Variants in FKBP5 observed in about 807,000 individuals in gnomAD.
FKBP5 encodes the protein peptidyl-prolyl cis-trans isomerase FKBP5.
In FKBP5, 23 loss-of-function variants were observed where a neutral mutation model predicts 50.5. That is an observed-to-expected ratio of 0.46 (90% CI 0.33 to 0.65). The LOEUF (loss-of-function observed/expected upper bound fraction) is 0.65. Among genes scored for constraint, FKBP5 ranks in the 30% least tolerant of loss-of-function variants. FKBP5 has a pLI of 0.02. For synonymous variants in FKBP5, 176 were observed against 190.6 expected, an observed-to-expected ratio of 0.92 and a Z score of 0.63; for missense variants, 411 against 553.1, an observed-to-expected ratio of 0.74 and a Z score of 2.58.
intron 1 of FKBP5, among the ~76,000 whole-genome samples, chr6:35,665,449 A>C (rs544778822): frequency 3.9e-4 from 59 of 150,638 alleles, no homozygotes; most frequent in African/African-American, 1.4e-3. Context: ...CACCACACCC[A>C]GCTAATTTTT....
rs191242235 is a variant in FKBP5 at position 35,650,485 on chromosome 6, A to T, written c.-19-7642T>A. ...TGTAATTTATTTTTTATTTTTTTAA[A>T]TTTTTTGAGACAGACTCTTGCTCTG... On this transcript the variant is annotated intron_variant, in intron 1 of 10. Transcript: ENST00000357266. 1.7e-3 allele frequency among the ~76,000 whole-genome samples: 260 copies of T among 150,638 alleles called. 1 individual carries two copies. The highest frequency in any genetic ancestry group is 5.8e-3 in the African/African-American group (240 of 41,096).
chr6:35,585,413 TG>T, intron 8 of FKBP5: 1 of 984,470 alleles, frequency 1.0e-6, no homozygotes, highest in Non-Finnish European at 1.2e-6. Flanking sequence ...AAATAACACT[TG>T]TTCTTGAGAG....
chr6:35,627,561 C>T (rs1389869259), intron 3 of FKBP5, among the ~76,000 whole-genome samples: 1 of 152,116 alleles, frequency 6.6e-6, no homozygotes, highest in Non-Finnish European at 1.5e-5. Flanking sequence ...TTCTCCCATT[C>T]CATAGGCTGC....
rs563999406 is a variant in FKBP5 at position 35,586,985 on chromosome 6, C to T, written c.840+49G>A. The stretch of plus-strand genomic sequence containing the variant: ...GGAATATCAGCACAATTCACCAACA[C>T]TTGAATAAATTCTTTGAGATGGAAA... On this transcript the variant is annotated intron_variant, in intron 8 of 10. Coordinates refer to ENST00000357266, the MANE Select transcript of FKBP5 (RefSeq NM_004117.4). 67 of 1,613,122 alleles carry T rather than the reference C, an allele frequency of 4.2e-5. No individual in the cohort carries two copies. In the South Asian group the frequency reaches 5.3e-4, roughly 13 times the overall value.
chr6:35,703,263 T>C (rs1447781194), intron 2 of FKBP5, among the ~76,000 whole-genome samples: 2 of 150,616 alleles, frequency 1.3e-5, no homozygotes, highest in Non-Finnish European at 1.5e-5. Context: ...AAAAAAAAAA[T>C]TAGCCAGGTG....
chr6:35,601,455 T>G (rs1032101047), intron 5 of FKBP5, among the ~76,000 whole-genome samples: 1 of 152,202 alleles, frequency 6.6e-6, no homozygotes, highest in Non-Finnish European at 1.5e-5. Flanking sequence ...CACACACCAC[T>G]TGGAGCCACG....
At chr6:35,642,480 A>C (rs187825034) in intron 2 of FKBP5, among the ~76,000 whole-genome samples, 399 of 152,272 alleles carry the variant, frequency 2.6e-3, no homozygotes, top group African/African-American at 9.0e-3. Context: ...GCTACTCAGG[A>C]AGCTGAGATG....
chr6:35,584,421 G>C (rs1762538230), intron 8 of FKBP5: 6 of 985,438 alleles, frequency 6.1e-6, no homozygotes, highest in Non-Finnish European at 7.2e-6. Flanking sequence ...ATGAAATACA[G>C]ATCTTTAGTT....
chr6:35,632,474 G>C (rs1393437647), intron 3 of FKBP5, among the ~76,000 whole-genome samples: 5 of 152,038 alleles, frequency 3.3e-5, no homozygotes. Context: ...AATGCTAGGC[G>C]ATGGTGTACA....
chr6:35,695,287 C>T (rs1766064219), intron 2 of FKBP5, among the ~76,000 whole-genome samples: 1 of 152,172 alleles, frequency 6.6e-6, no homozygotes, highest in Non-Finnish European at 1.5e-5. Flanking sequence ...CCTCAGCCTC[C>T]CAAGTAGCTG....
chr6:35,596,248 G>A (rs866120744), intron 6 of FKBP5, among the ~76,000 whole-genome samples: 3 of 152,006 alleles, frequency 2.0e-5, no homozygotes, highest in African/African-American at 7.2e-5. Context: ...CCAGCTACTC[G>A]GGAGGCTGAG....
At chr6:35,694,513 T>C (rs1287498325) in intron 2 of FKBP5, among the ~76,000 whole-genome samples, 1 of 152,200 alleles carries the variant, frequency 6.6e-6, no homozygotes, top group Non-Finnish European at 1.5e-5. Context: ...GGACATTGTA[T>C]TTTAAAAAAT....
chr6:35,683,081 T>C lies in FKBP5; in HGVS notation c.-20+5723A>G, dbSNP rs921753394. Reference sequence around the variant, plus strand: ...ATAGAAATATATATCCCAAGCTCTTTCTTTAAAAAAAAAAGTGTGTGTGTA... The same window carrying C: ...ATAGAAATATATATCCCAAGCTCTTCCTTTAAAAAAAAAAGTGTGTGTGTA... On this transcript the variant is annotated intron_variant, in intron 1 of 10. Transcript: ENST00000357266. Among the ~76,000 whole-genome samples, 5 of 151,464 alleles carry C rather than the reference T, an allele frequency of 3.3e-5. No individual in the cohort carries two copies. In the East Asian group the frequency reaches 9.7e-4, roughly 29 times the overall value.
intron 1 of FKBP5, among the ~76,000 whole-genome samples, chr6:35,677,080 T>C (rs1054211705): frequency 3.3e-5 from 5 of 152,122 alleles, no homozygotes; most frequent in African/African-American, 9.7e-5. Context: ...TTTTGTTGTG[T>C]TGTTTTGTTT....
chr6:35,593,807 G>A (rs1213140944), intron 6 of FKBP5, among the ~76,000 whole-genome samples: 1 of 151,688 alleles, frequency 6.6e-6, no homozygotes, highest in East Asian at 1.9e-4. Context: ...CTCCCGCCTC[G>A]GCCTCCCAAA....
At chr6:35,629,262 C>A (rs372503524) in intron 3 of FKBP5, among the ~76,000 whole-genome samples, 1 of 151,928 alleles carries the variant, frequency 6.6e-6, no homozygotes. Flanking sequence ...TGCACCACCA[C>A]GCCTGGCTAA....
At chr6:35,705,581 T>G (rs1402856914) in intron 2 of FKBP5, among the ~76,000 whole-genome samples, 1 of 151,940 alleles carries the variant, frequency 6.6e-6, no homozygotes, top group Non-Finnish European at 1.5e-5. Flanking sequence ...TATATTTTAA[T>G]TAAATCATGC....
chr6:35,588,930 G>T (rs947723506), intron 7 of FKBP5, among the ~76,000 whole-genome samples: 1 of 150,792 alleles, frequency 6.6e-6, no homozygotes, highest in East Asian at 1.9e-4. Flanking sequence ...TTTGCAGAGA[G>T]GGGGGTCTCA....
chr6:35,629,699 T>C (rs899098058), intron 3 of FKBP5, among the ~76,000 whole-genome samples: 2 of 152,148 alleles, frequency 1.3e-5, no homozygotes, highest in African/African-American at 4.8e-5. Flanking sequence ...AAAGGCATGA[T>C]GTAATATCGA....
Sources: allele counts gnomAD v4.1 joint callset (sites outside exome capture counted in the v4.1 genomes callset), GRCh38; gene constraint gnomAD v4.1.1; transcripts MANE v1.5; gene names NCBI Gene and HGNC (gene_info 2026-07-23, HGNC 2026-07-21).